CCDC7: variants seen among roughly 807,000 people sequenced by gnomAD.
CCDC7 encodes the protein coiled-coil domain-containing protein 7.
Under a neutral mutation model 196.9 loss-of-function variants are expected in CCDC7, and 183 were observed. That is an observed-to-expected ratio of 0.93 (90% CI 0.82 to 1.05). The LOEUF (loss-of-function observed/expected upper bound fraction) is 1.05, where lower values mean the gene tolerates loss of function less well. Among genes scored for constraint, CCDC7 ranks in the 50% least tolerant of loss-of-function variants. The pLI is 0.00. For missense variants in CCDC7, 1,540 were observed against 1,482.2 expected, an observed-to-expected ratio of 1.04 and a Z score of -0.64; for synonymous variants, 525 against 484.6, an observed-to-expected ratio of 1.08 and a Z score of -1.10.
downstream of CCDC7, chr10:32,876,572 C>A: frequency 2.0e-6 from 1 of 488,046 alleles, no homozygotes; most frequent in South Asian, 3.9e-5. Context: ...AAGGCCTGAC[C>A]AGGCAGTGGT....
rs545432402 is a variant in CCDC7, at chr10:32,817,652, T to C, written c.3181+3199T>C. Among the ~76,000 whole-genome samples the C allele has an allele frequency of 5.9e-5, 9 of 152,308 alleles. No individual in the cohort carries two copies. In the East Asian group the frequency reaches 1.7e-3, roughly 29 times the overall value. On this transcript the variant is annotated intron_variant, in intron 31 of 41. Transcript: ENST00000639629. ...ACAGCTGATCTCTCAGCAGAAACTC[T>C]ACAAGCCAGAAGAGAGTGGGGGCCA...
intron 28 of CCDC7, among the ~76,000 whole-genome samples, chr10:32,773,702 T>G (rs2079525896): frequency 6.6e-6 from 1 of 152,208 alleles, no homozygotes; most frequent in Non-Finnish European, 1.5e-5. Context: ...GAAGGTTTTT[T>G]TGCTCTTTTT....
intron 8 of CCDC7, among the ~76,000 whole-genome samples, chr10:32,484,675 A>G (rs1393883310): frequency 6.6e-6 from 1 of 152,142 alleles, no homozygotes; most frequent in African/African-American, 2.4e-5. Flanking sequence ...TGTCCCATCA[A>G]TTACCTAGTT....
chr10:32,452,045 G>A (rs2033209789), intron 1 of CCDC7, 124 bp downstream of exon 2: 6 of 1,312,500 alleles, frequency 4.6e-6, no homozygotes, highest in Non-Finnish European at 6.0e-6. Flanking sequence ...TATTACAGTA[G>A]GCACATGAGG....
intron 25 of CCDC7, among the ~76,000 whole-genome samples, chr10:32,718,561 T>A (rs2081958549): frequency 6.6e-6 from 1 of 152,254 alleles, no homozygotes; most frequent in African/African-American, 2.4e-5. Context: ...GATATTCAAA[T>A]AGGATGAGAG....
chr10:32,719,396 A>G (rs2082075296), intron 25 of CCDC7, among the ~76,000 whole-genome samples: 1 of 140,338 alleles, frequency 7.1e-6, no homozygotes, highest in Non-Finnish European at 1.6e-5. Flanking sequence ...AAAGACTTAA[A>G]CCTAAGACCT....
At chr10:32,658,071 G>GCCC (rs2070366339) in intron 20 of CCDC7, among the ~76,000 whole-genome samples, 1 of 152,128 alleles carries the variant, frequency 6.6e-6, no homozygotes, top group Non-Finnish European at 1.5e-5. Flanking sequence ...CAGCATTTTG[G>GCCC]CCAAAGCCAT....
chr10:32,446,148 C>T (rs1170824639), exon 1 of CCDC7: 2 of 152,088 alleles, frequency 1.3e-5, no homozygotes, highest in Non-Finnish European at 2.9e-5. Flanking sequence ...TCAACGGCCC[C>T]ATCCGGCGCC....
intron 18 of CCDC7, among the ~76,000 whole-genome samples, chr10:32,633,244 C>T (rs1365935032): frequency 6.6e-6 from 1 of 152,118 alleles, no homozygotes; most frequent in Non-Finnish European, 1.5e-5. Context: ...CACATTCATA[C>T]ACACATGTTC....
chr10:32,633,309 T>C (rs2139543450), intron 18 of CCDC7, among the ~76,000 whole-genome samples: 1 of 152,256 alleles, frequency 6.6e-6, no homozygotes, highest in South Asian at 2.1e-4. Context: ...AAATGAGGAA[T>C]TCTCATGGAC....
chr10:32,574,246 G>T (rs2057922759), intron 16 of CCDC7, among the ~76,000 whole-genome samples: 1 of 149,614 alleles, frequency 6.7e-6, no homozygotes, highest in Non-Finnish European at 1.5e-5. Context: ...AGATGAAATA[G>T]GTTGTTTCAG....
intron 24 of CCDC7, among the ~76,000 whole-genome samples, chr10:32,700,897 A>G (rs1166362475): frequency 3.3e-5 from 5 of 152,282 alleles, no homozygotes; most frequent in Non-Finnish European, 7.4e-5. Context: ...AGTTTTGCAC[A>G]TTGATTTTGT....
downstream of CCDC7, among the ~76,000 whole-genome samples, chr10:32,881,091 A>G (rs1250331223): frequency 6.6e-6 from 1 of 152,126 alleles, no homozygotes; most frequent in East Asian, 1.9e-4. Flanking sequence ...AGAACATGTG[A>G]TTACTTTTGG....
chr10:32,551,539 A>G (rs1412058847), intron 13 of CCDC7, among the ~76,000 whole-genome samples: 1 of 152,108 alleles, frequency 6.6e-6, no homozygotes, highest in East Asian at 1.9e-4. Context: ...TTTTAGGGCT[A>G]TGAACTTTCC....
chr10:32,508,807 AT>A (rs1283950546), intron 9 of CCDC7, among the ~76,000 whole-genome samples: 2 of 151,030 alleles, frequency 1.3e-5, no homozygotes, highest in Non-Finnish European at 2.9e-5. Context: ...ATTTTTTTGT[AT>A]TTTTAGTAGA....
chr10:32,823,302 C>T (rs974611732), intron 31 of CCDC7, among the ~76,000 whole-genome samples: 3 of 151,798 alleles, frequency 2.0e-5, no homozygotes, highest in Non-Finnish European at 2.9e-5. Context: ...CCACCACGCC[C>T]TGCTAATTTT....
At chr10:32,736,311 G>A (rs1258045066) in intron 28 of CCDC7, among the ~76,000 whole-genome samples, 11 of 137,372 alleles carry the variant, frequency 8.0e-5, no homozygotes, top group Non-Finnish European at 1.5e-5. Flanking sequence ...GCTCCATTTA[G>A]ATCTTAGATC....
intron 28 of CCDC7, among the ~76,000 whole-genome samples, chr10:32,755,679 A>C (rs1278922734): frequency 5.3e-5 from 8 of 152,138 alleles, no homozygotes; most frequent in Non-Finnish European, 1.2e-4. Flanking sequence ...GAAAATTCTA[A>C]AAATCAGACT....
chr10:32,837,697 T>C (rs532240330), intron 33 of CCDC7, among the ~76,000 whole-genome samples: 3 of 152,122 alleles, frequency 2.0e-5, no homozygotes, highest in African/African-American at 7.2e-5. Context: ...AATGATAGAC[T>C]GGATTAAGAA....
Sources: allele counts gnomAD v4.1 joint callset (sites outside exome capture counted in the v4.1 genomes callset), GRCh38; gene constraint gnomAD v4.1.1; transcripts MANE v1.5; gene names NCBI Gene and HGNC (gene_info 2026-07-23, HGNC 2026-07-21).